Variants in PIWIL4 observed in about 807,000 individuals in gnomAD.
PIWIL4 encodes piwi like RNA-mediated gene silencing 4, also known as piwi-like protein 4.
In PIWIL4, 50 loss-of-function variants were observed where a neutral mutation model predicts 100.9. The observed-to-expected ratio is 0.50, with a 90% CI of 0.39 to 0.63. The LOEUF (loss-of-function observed/expected upper bound fraction) is 0.63, where lower values mean the gene tolerates loss of function less well. PIWIL4 is among the 20% of genes least tolerant of loss of function. PIWIL4 has a pLI of 0.00. For synonymous variants in PIWIL4, 342 were observed against 367.5 expected, an observed-to-expected ratio of 0.93 and a Z score of 0.79; for missense variants, 887 against 1,043.3, an observed-to-expected ratio of 0.85 and a Z score of 2.06.
At chr11:94,606,507 G>A (rs984776971) in intron 13 of PIWIL4, among the ~76,000 whole-genome samples, 1 of 152,156 alleles carries the variant, frequency 6.6e-6, no homozygotes, top group South Asian at 2.1e-4. Flanking sequence ...GGCGGAGGTA[G>A]GCCCTTCAGT....
chr11:94,576,085 GT>G (rs1461855383), intron 3 of PIWIL4, among the ~76,000 whole-genome samples: 1 of 152,096 alleles, frequency 6.6e-6, no homozygotes. Flanking sequence ...GAGTCTCTGG[GT>G]TGCTTTCCTC....
chr11:94,616,375 C>G, intron 15 of PIWIL4, 118 bp from the exon 16 acceptor site: 1 of 883,292 alleles, frequency 1.1e-6, no homozygotes, highest in African/African-American at 1.7e-5. Context: ...ATAACACATA[C>G]AAAATTGCGA....
intron 11 of PIWIL4, among the ~76,000 whole-genome samples, chr11:94,598,200 TAAAA>T (rs1355943619): frequency 6.6e-6 from 1 of 152,154 alleles, no homozygotes; most frequent in Non-Finnish European, 1.5e-5. Context: ...GCATTGCTCT[TAAAA>T]AAGAAAGCCA....
At chr11:94,570,700 G>C (rs1468438190) in intron 2 of PIWIL4, among the ~76,000 whole-genome samples, 1 of 152,034 alleles carries the variant, frequency 6.6e-6, no homozygotes, top group Non-Finnish European at 1.5e-5. Flanking sequence ...AGACCAGCCT[G>C]GCTAACATGG....
At chr11:94,605,361 C>T (rs995038496) in intron 13 of PIWIL4, among the ~76,000 whole-genome samples, 4 of 152,088 alleles carry the variant, frequency 2.6e-5, no homozygotes, top group African/African-American at 7.2e-5. Context: ...TAACGTCCCT[C>T]GATTTGGGTT....
chr11:94,621,152 T>TA lies in PIWIL4; in HGVS notation c.*166dup, dbSNP rs936073172. On this transcript the variant is annotated 3_prime_UTR_variant, in exon 20 of 20. Transcript: ENST00000299001. ...AAAACAACTTAATCTGAAACAGTTTTAAAAAATGTGTGTTATTTTGTTTTA... is the reference window on the plus strand; with the variant it reads ...AAAACAACTTAATCTGAAACAGTTTTAAAAAAATGTGTGTTATTTTGTTTTA... The TA allele has an allele frequency of 7.1e-6, 4 of 560,994 alleles. No individual in the cohort carries two copies. The highest frequency in any genetic ancestry group is 5.7e-5 in the East Asian group (2 of 34,870). The allele number at this position is 560,994 out of a possible 1,614,324, so 34.8% of individuals were successfully genotyped here.
At chr11:94,594,463 C>T (rs1400745893) in intron 9 of PIWIL4, among the ~76,000 whole-genome samples, 9 of 128,216 alleles carry the variant, frequency 7.0e-5, no homozygotes, top group African/African-American at 3.0e-4. Context: ...AAGACTCTGT[C>T]TCCAAAAAAA....
At chr11:94,609,873 TTG>T (rs960726555) in intron 15 of PIWIL4, among the ~76,000 whole-genome samples, 287 of 151,738 alleles carry the variant, frequency 1.9e-3, no homozygotes, top group African/African-American at 6.6e-3. Context: ...TAGTTACCAT[TTG>T]TGTGTGTGTG....
chr11:94,577,413 A>G lies in PIWIL4; in HGVS notation c.434A>G (p.Tyr145Cys). ...ASRRLRIALLYSHSELSNKAK... is the reference protein window; with the variant it reads ...ASRRLRIALLCSHSELSNKAK... ...AGAAGGCTGAGAATTGCTTTACTTT[A>G]TAGTCATAGTGAACTTTCCAACAAA... The change falls in exon 4 of 20, where the codon TAT becomes TGT. Residue 145 changes from tyrosine (Y) to cysteine (C), a missense_variant. By Grantham distance (194) the Tyr-to-Cys change is radical. Around this residue, in one of 2 missense-constraint regions of PIWIL4, gnomAD observed 741 missense variants for 930.0 expected, o/e 0.80. Coordinates refer to ENST00000299001, the MANE Select transcript of PIWIL4 (RefSeq NM_152431.3). 1.2e-6 allele frequency: 2 copies of G among 1,614,140 alleles called. No individual in the cohort carries two copies. The highest frequency in any genetic ancestry group is 1.7e-6 in the Non-Finnish European group (2 of 1,180,018).
chr11:94,569,251 G>C (rs538633314), intron 2 of PIWIL4, among the ~76,000 whole-genome samples: 58 of 152,064 alleles, frequency 3.8e-4, no homozygotes, highest in Non-Finnish European at 6.9e-4. Context: ...TCCATCGATG[G>C]ATAATTAGAT....
chr11:94,580,890 CTTTTTTTTTTTTTT>C (rs956802836), intron 4 of PIWIL4, among the ~76,000 whole-genome samples: 2 of 78,942 alleles, frequency 2.5e-5, no homozygotes, highest in East Asian at 4.1e-4. Flanking sequence ...CTCTGCCAGG[CTTTTTTTTTTTTTT>C]TTTTTTTTTT....
intron 13 of PIWIL4, among the ~76,000 whole-genome samples, chr11:94,606,214 C>T (rs577511404): frequency 1.3e-5 from 2 of 152,214 alleles, no homozygotes; most frequent in East Asian, 3.8e-4. Flanking sequence ...CATCTTCTCT[C>T]AGCCCATTGG....
At chr11:94,577,520 A>G (rs778765057) in intron 4 of PIWIL4, 28 bp downstream of exon 4, 5 of 1,554,790 alleles carry the variant, frequency 3.2e-6, no homozygotes, top group South Asian at 1.2e-5. Flanking sequence ...TTTTTACTGT[A>G]TATGTGGGTG....
intron 8 of PIWIL4, among the ~76,000 whole-genome samples, chr11:94,592,686 C>T (rs567530874): frequency 1.2e-4 from 19 of 152,200 alleles, no homozygotes; most frequent in Admixed American, 2.0e-4. Flanking sequence ...AATTATAATT[C>T]CAGTTGTTCT....
At chr11:94,580,453 C>T (rs951047685) in intron 4 of PIWIL4, among the ~76,000 whole-genome samples, 1 of 152,134 alleles carries the variant, frequency 6.6e-6, no homozygotes. Context: ...CCTAGCCTTC[C>T]ACTGTCCAGG....
At position 94,574,278 on chromosome 11, in the gene PIWIL4, A is replaced by G. The variant is rs187854969; in HGVS notation, c.167-721A>G. ...AAAACTGATGGCAATGTTCTGGGCA[A>G]TTTCTCTTCTTTTCTTTGGGAAATG... On this transcript the variant is annotated intron_variant, in intron 2 of 19. Coordinates refer to ENST00000299001, the MANE Select transcript of PIWIL4 (RefSeq NM_152431.3). Among the ~76,000 whole-genome samples the G allele has an allele frequency of 3.9e-4, 59 of 152,242 alleles. No homozygotes were observed. The East Asian group carries it at 7.0e-3, about 18-fold the overall frequency.
chr11:94,609,113 C>T (rs1948760198), intron 15 of PIWIL4, among the ~76,000 whole-genome samples: 1 of 152,202 alleles, frequency 6.6e-6, no homozygotes, highest in Non-Finnish European at 1.5e-5. Flanking sequence ...TTTAACTTTG[C>T]TGTGCCTCAC....
At chr11:94,611,681 T>G (rs981084784) in intron 15 of PIWIL4, among the ~76,000 whole-genome samples, 3 of 152,124 alleles carry the variant, frequency 2.0e-5, no homozygotes, top group African/African-American at 7.2e-5. Flanking sequence ...TCTGTTAGTT[T>G]GTGCAACAGC....
intron 13 of PIWIL4, among the ~76,000 whole-genome samples, chr11:94,607,192 G>A (rs1948732070): frequency 6.6e-6 from 1 of 152,102 alleles, no homozygotes; most frequent in African/African-American, 2.4e-5. Context: ...AAAGCCAAGG[G>A]AAATGGGTAG....
Sources: allele counts gnomAD v4.1 joint callset (sites outside exome capture counted in the v4.1 genomes callset), GRCh38; gene constraint gnomAD v4.1.1; regional missense constraint gnomAD v4.1.1; transcripts MANE v1.5; gene names NCBI Gene and HGNC (gene_info 2026-07-23, HGNC 2026-07-21).